FAM168A: variants seen among roughly 807,000 people sequenced by gnomAD.
FAM168A encodes family with sequence similarity 168 member A, also known as protein FAM168A.
In FAM168A, 3 loss-of-function variants were observed where a neutral mutation model predicts 28.5. That is an observed-to-expected ratio of 0.11 (90% CI 0.05 to 0.27). FAM168A has a LOEUF of 0.27. FAM168A is among the 10% of genes least tolerant of loss of function. The pLI is 1.00. For missense variants in FAM168A, 222 were observed against 311.5 expected, an observed-to-expected ratio of 0.71 and a Z score of 2.16; for synonymous variants, 122 against 124.2, an observed-to-expected ratio of 0.98 and a Z score of 0.12.
At chr11:73,545,539 A>G (rs1943736276) in intron 1 of FAM168A, among the ~76,000 whole-genome samples, 2 of 152,092 alleles carry the variant, frequency 1.3e-5, no homozygotes, top group East Asian at 3.8e-4. Context: ...GCAACTCTAT[A>G]TATACTAAAA....
At chr11:73,477,945 ATAGATAG>A (rs1355499214) in intron 1 of FAM168A, among the ~76,000 whole-genome samples, 3 of 150,928 alleles carry the variant, frequency 2.0e-5, no homozygotes, top group African/African-American at 7.4e-5. Context: ...AGATAGATAG[ATAGATAG>A]ATAGATAGAT....
At chr11:73,585,467 T>C (rs764836021) in intron 1 of FAM168A, among the ~76,000 whole-genome samples, 3 of 152,242 alleles carry the variant, frequency 2.0e-5, no homozygotes, top group South Asian at 2.1e-4. Context: ...AGATGCAGTA[T>C]GTATTTCTAA....
intron 1 of FAM168A, among the ~76,000 whole-genome samples, chr11:73,517,169 C>G (rs565034082): frequency 6.6e-6 from 1 of 152,246 alleles, no homozygotes; most frequent in East Asian, 1.9e-4. Flanking sequence ...CCCACCTCAG[C>G]CTCCCGAGTA....
At chr11:73,477,541 C>T (rs1180125539) in intron 1 of FAM168A, among the ~76,000 whole-genome samples, 3 of 152,054 alleles carry the variant, frequency 2.0e-5, no homozygotes, top group East Asian at 1.9e-4. Flanking sequence ...CATAACCGGA[C>T]ACAATATAGT....
intron 1 of FAM168A, among the ~76,000 whole-genome samples, chr11:73,531,611 C>G (rs1004603734): frequency 1.3e-5 from 2 of 152,044 alleles, no homozygotes; most frequent in Non-Finnish European, 2.9e-5. Flanking sequence ...GAGCCCCAGA[C>G]CAGAGAGGAG....
At chr11:73,433,994 T>C (rs947580778) in intron 2 of FAM168A, among the ~76,000 whole-genome samples, 18 of 152,036 alleles carry the variant, frequency 1.2e-4, no homozygotes, top group African/African-American at 3.9e-4. Flanking sequence ...TACAGGCACA[T>C]ACCACCACAC....
At chr11:73,411,895 AC>A (rs1866618436) in intron 4 of FAM168A, among the ~76,000 whole-genome samples, 1 of 151,860 alleles carries the variant, frequency 6.6e-6, no homozygotes, top group South Asian at 2.1e-4. Flanking sequence ...GAAACCCTCA[AC>A]TCACTTGCTC....
At chr11:73,579,096 T>C (rs1234521675) in intron 1 of FAM168A, among the ~76,000 whole-genome samples, 1 of 152,106 alleles carries the variant, frequency 6.6e-6, no homozygotes, top group African/African-American at 2.4e-5. Context: ...GGAAGTAAGC[T>C]CTCTGGTGTC....
At chr11:73,483,066 A>G (rs1040965885) in intron 1 of FAM168A, among the ~76,000 whole-genome samples, 1 of 152,228 alleles carries the variant, frequency 6.6e-6, no homozygotes, top group Non-Finnish European at 1.5e-5. Context: ...AACAGCTGTG[A>G]GGCCTTGGAT....
intron 1 of FAM168A, among the ~76,000 whole-genome samples, chr11:73,517,236 G>A (rs1943316483): frequency 6.6e-6 from 1 of 152,126 alleles, no homozygotes; most frequent in Non-Finnish European, 1.5e-5. Context: ...TTTTTGTAGA[G>A]ACATTGTCAT....
At chr11:73,525,672 A>C (rs1218840745) in intron 1 of FAM168A, among the ~76,000 whole-genome samples, 1 of 152,154 alleles carries the variant, frequency 6.6e-6, no homozygotes, top group Admixed American at 6.5e-5. Flanking sequence ...CCACAAAATG[A>C]CTGTTGATAC....
chr11:73,489,312 A>G (rs1480449547), intron 1 of FAM168A, among the ~76,000 whole-genome samples: 1 of 151,994 alleles, frequency 6.6e-6, no homozygotes, highest in Non-Finnish European at 1.5e-5. Flanking sequence ...GCTTTCTCTC[A>G]TCTTTCTTCC....
At chr11:73,504,393 C>A (rs1855067749) in intron 1 of FAM168A, among the ~76,000 whole-genome samples, 1 of 151,998 alleles carries the variant, frequency 6.6e-6, no homozygotes, top group Non-Finnish European at 1.5e-5. Context: ...GGCCAACAAA[C>A]ATGAAAAAAA....
intron 1 of FAM168A, among the ~76,000 whole-genome samples, chr11:73,484,701 GAT>G (rs1486331472): frequency 1.4e-5 from 2 of 142,210 alleles, no homozygotes; most frequent in Non-Finnish European, 3.0e-5. Flanking sequence ...TATAGATATA[GAT>G]ATATATAGAT....
intron 2 of FAM168A, among the ~76,000 whole-genome samples, chr11:73,460,132 G>C (rs1171543324): frequency 6.6e-6 from 1 of 151,838 alleles, no homozygotes; most frequent in Non-Finnish European, 1.5e-5. Flanking sequence ...CGCCCACCTC[G>C]GCCTCCCAAA....
At chr11:73,468,613 G>A (rs1485870627) in intron 1 of FAM168A, 121 bp from the exon 2 acceptor site, 1 of 816,880 alleles carries the variant, frequency 1.2e-6, no homozygotes. Flanking sequence ...GTGGAAAGAA[G>A]ACTAAACAAA....
At chr11:73,432,207 G>T (rs1867007241) in intron 2 of FAM168A, among the ~76,000 whole-genome samples, 1 of 152,076 alleles carries the variant, frequency 6.6e-6, no homozygotes, top group African/African-American at 2.4e-5. Context: ...CTACCTTTTG[G>T]CTATTGTGAA....
At chr11:73,522,678 C>T (rs1186944934) in intron 1 of FAM168A, among the ~76,000 whole-genome samples, 3 of 150,138 alleles carry the variant, frequency 2.0e-5, no homozygotes, top group Non-Finnish European at 4.4e-5. Context: ...ATGTCAGATA[C>T]TTTGCAGTGT....
intron 1 of FAM168A, among the ~76,000 whole-genome samples, chr11:73,524,872 T>C (rs1282318021): frequency 6.6e-6 from 1 of 152,232 alleles, no homozygotes; most frequent in African/African-American, 2.4e-5. Flanking sequence ...AGTGCTGGGA[T>C]TACAGGCAAG....
Sources: allele counts gnomAD v4.1 joint callset (sites outside exome capture counted in the v4.1 genomes callset), GRCh38; gene constraint gnomAD v4.1.1; transcripts MANE v1.5; gene names NCBI Gene and HGNC (gene_info 2026-07-23, HGNC 2026-07-21).